MALRD1: variants seen among roughly 807,000 people sequenced by gnomAD.
MALRD1 encodes MAM and LDL receptor class A domain containing 1, also known as MAM and LDL-receptor class A domain-containing protein 1.
In MALRD1, 247 loss-of-function variants were observed where a neutral mutation model predicts 242.1. The observed-to-expected ratio is 1.02, with a 90% confidence interval of 0.92 to 1.13. The LOEUF (loss-of-function observed/expected upper bound fraction) is 1.13, where lower values mean the gene tolerates loss of function less well. MALRD1 is among the 50% of genes most tolerant of loss of function. The probability of loss-of-function intolerance (pLI) is 0.00; values close to 1 mark genes in which losing one functional copy is unlikely to be tolerated. For missense variants in MALRD1, 2,989 were observed against 2,533.1 expected, an observed-to-expected ratio of 1.18 and a Z score of -3.86; for synonymous variants, 995 against 866.6, an observed-to-expected ratio of 1.15 and a Z score of -2.60.
rs1435037902 is a variant in MALRD1 at position 19,108,394 on chromosome 10, T to TGAA, written c.694+4319_694+4320insGAA. Among the ~76,000 whole-genome samples, 47 of 11,734 alleles carry TGAA rather than the reference T, an allele frequency of 4.0e-3. 3 individuals are homozygous for TGAA. The highest frequency in any genetic ancestry group is 0.071 in the Middle Eastern group (1 of 14). The allele number at this position is 11,734 out of a possible 152,430, so 7.7% of individuals were successfully genotyped here. A position where few individuals can be genotyped will look rare whatever the true frequency, so the allele number is the denominator to read the frequency against. ...GCTCATGAATTGTTTTTTCTTTTTT[T>TGAA]TTTTTTTTTTTTTTTTTTTTTTTTT... On this transcript the variant is annotated intron_variant, in intron 5 of 39. Transcript: ENST00000454679.
At chr10:19,106,468 T>C (rs978906498) in intron 5 of MALRD1, among the ~76,000 whole-genome samples, 1 of 151,894 alleles carries the variant, frequency 6.6e-6, no homozygotes, top group Non-Finnish European at 1.5e-5. Flanking sequence ...TGTATTTCTG[T>C]GCAACCAGTC....
At chr10:19,062,273 G>C (rs1258423364) in intron 1 of MALRD1, among the ~76,000 whole-genome samples, 1 of 152,088 alleles carries the variant, frequency 6.6e-6, no homozygotes, top group Non-Finnish European at 1.5e-5. Context: ...AAATCTCCTA[G>C]AAAATAATGT....
intron 18 of MALRD1, among the ~76,000 whole-genome samples, chr10:19,225,619 C>T (rs1837767768): frequency 6.6e-6 from 1 of 152,086 alleles, no homozygotes; most frequent in Admixed American, 6.6e-5. Flanking sequence ...CTGCAGTGCT[C>T]CTGTAATGCT....
At chr10:19,432,910 T>A (rs562694782) in intron 28 of MALRD1, among the ~76,000 whole-genome samples, 1 of 152,342 alleles carries the variant, frequency 6.6e-6, no homozygotes, top group South Asian at 2.1e-4. Context: ...GGATGCTTTA[T>A]AATAAACACA....
At chr10:19,595,511 G>GAGAA in intron 34 of MALRD1, 54 bp downstream of exon 34, 4 of 1,496,244 alleles carry the variant, frequency 2.7e-6, no homozygotes, top group Non-Finnish European at 3.6e-6. Flanking sequence ...GCTTTAAAAT[G>GAGAA]AGAAAGAAAG....
intron 29 of MALRD1, among the ~76,000 whole-genome samples, chr10:19,457,460 C>A (rs908999702): frequency 2.0e-5 from 3 of 151,984 alleles, no homozygotes; most frequent in African/African-American, 2.4e-5. Flanking sequence ...GAAAGCTGCC[C>A]AGGGTGGATG....
chr10:19,161,635 A>G (rs1834423087), intron 12 of MALRD1, among the ~76,000 whole-genome samples: 1 of 151,142 alleles, frequency 6.6e-6, no homozygotes, highest in Non-Finnish European at 1.5e-5. Context: ...TTTCACTTAC[A>G]TGCTTTGCAG....
In MALRD1 at chr10:19,698,199, A is replaced by G. The variant is rs577518913; in HGVS notation, c.6314+5645A>G. On this transcript the variant is annotated intron_variant, in intron 38 of 39. Transcript: ENST00000454679. ...GGAATCTACCTTTGAAGCCTGAGGA[A>G]TAAAGGGTACCATGATCATTTGAGG... Among the ~76,000 whole-genome samples the G allele has an allele frequency of 2.6e-5, 4 of 152,334 alleles. No homozygotes were observed. In the East Asian group the frequency reaches 7.7e-4, roughly 29 times the overall value.
At chr10:19,540,760 C>CA (rs1307512865) in intron 32 of MALRD1, among the ~76,000 whole-genome samples, 10 of 151,938 alleles carry the variant, frequency 6.6e-5, no homozygotes, top group Admixed American at 5.2e-4. Context: ...GTTTCAATAG[C>CA]AAAAAATATG....
intron 18 of MALRD1, among the ~76,000 whole-genome samples, chr10:19,233,144 T>A (rs977090290): frequency 6.6e-6 from 1 of 152,168 alleles, no homozygotes; most frequent in Non-Finnish European, 1.5e-5. Flanking sequence ...GCGTGCAGTG[T>A]GAAATAATCA....
intron 36 of MALRD1, among the ~76,000 whole-genome samples, chr10:19,687,910 A>AATGTT (rs55753738): frequency 0.047 from 6,480 of 137,282 alleles, 315 homozygotes; most frequent in East Asian, 0.072. Flanking sequence ...TTATTTTTTT[A>AATGTT]ATGTTATGTT....
chr10:19,651,040 G>T (rs564899716), intron 36 of MALRD1, among the ~76,000 whole-genome samples: 3 of 152,280 alleles, frequency 2.0e-5, no homozygotes, highest in African/African-American at 7.2e-5. Context: ...TCAAAAGATG[G>T]TCTCTGTTCT....
chr10:19,445,673 C>T (rs1834932455), intron 28 of MALRD1, among the ~76,000 whole-genome samples: 1 of 152,190 alleles, frequency 6.6e-6, no homozygotes, highest in South Asian at 2.1e-4. Flanking sequence ...GAATCTTTGT[C>T]TCAGAGGGGC....
chr10:19,343,045 C>T (rs1056880115), intron 24 of MALRD1, among the ~76,000 whole-genome samples: 1 of 151,964 alleles, frequency 6.6e-6, no homozygotes, highest in African/African-American at 2.4e-5. Flanking sequence ...AAATTATTTA[C>T]CCTCAAAACT....
intron 38 of MALRD1, among the ~76,000 whole-genome samples, chr10:19,712,159 G>C (rs777125454): frequency 1.7e-4 from 26 of 152,100 alleles, no homozygotes; most frequent in Admixed American, 6.6e-4. Context: ...GGAACACTTG[G>C]GTCAGCTTCA....
chr10:19,180,451 C>G (rs141389003), intron 14 of MALRD1, among the ~76,000 whole-genome samples: 2 of 152,034 alleles, frequency 1.3e-5, no homozygotes, highest in African/African-American at 2.4e-5. Flanking sequence ...ACAAAGGCAC[C>G]AAGAGGACAC....
At chr10:19,140,783 C>A (rs1833512770) in intron 10 of MALRD1, among the ~76,000 whole-genome samples, 1 of 152,062 alleles carries the variant, frequency 6.6e-6, no homozygotes, top group Non-Finnish European at 1.5e-5. Flanking sequence ...TTGTCCAGGG[C>A]TGAGGCCTGG....
At chr10:19,341,828 C>G (rs1453357448) in intron 24 of MALRD1, among the ~76,000 whole-genome samples, 2 of 151,912 alleles carry the variant, frequency 1.3e-5, no homozygotes, top group African/African-American at 2.4e-5. Flanking sequence ...TAAAACCCAG[C>G]CCCTTTTATT....
chr10:19,066,172 A>T (rs963465870), intron 1 of MALRD1, among the ~76,000 whole-genome samples: 4 of 152,198 alleles, frequency 2.6e-5, no homozygotes, highest in African/African-American at 9.6e-5. Flanking sequence ...ATACTGTGTA[A>T]ATAGTTGGTA....
Sources: allele counts gnomAD v4.1 joint callset (sites outside exome capture counted in the v4.1 genomes callset), GRCh38; gene constraint gnomAD v4.1.1; transcripts MANE v1.5; gene names NCBI Gene and HGNC (gene_info 2026-07-23, HGNC 2026-07-21).